Variants in SDK1 observed in about 807,000 individuals in gnomAD.
SDK1 encodes the protein protein sidekick-1.
Under a neutral mutation model 245.5 loss-of-function variants are expected in SDK1, and 157 were observed. That is an observed-to-expected ratio of 0.64 (90% CI 0.56 to 0.73). SDK1 has a LOEUF of 0.73. Among genes scored for constraint, SDK1 ranks in the 30% least tolerant of loss-of-function variants. SDK1 has a pLI of 0.00. For missense variants in SDK1, 3,583 were observed against 3,002.3 expected (o/e 1.19, Z -4.52); for synonymous variants, 1,647 against 1,278.5 (o/e 1.29, Z -6.15).
chr7:3,490,920 A>C lies in SDK1; in HGVS notation c.299-128160A>C, dbSNP rs541144558. On this transcript the variant is annotated intron_variant, in intron 1 of 44. Transcript: ENST00000404826. Reference sequence around the variant, plus strand: ...CCTTGCCCTCCACAGACACAGGCAAACTAGTTTCTGTTAGGCATTCACTCT... The same window carrying C: ...CCTTGCCCTCCACAGACACAGGCAACCTAGTTTCTGTTAGGCATTCACTCT... Among the ~76,000 whole-genome samples, 5 of 152,334 alleles carry C rather than the reference A, an allele frequency of 3.3e-5. No individual in the cohort carries two copies. In the South Asian group the frequency reaches 1.0e-3, roughly 32 times the overall value.
intron 1 of SDK1, among the ~76,000 whole-genome samples, chr7:3,461,207 C>T (rs1296812288): frequency 2.6e-5 from 4 of 152,130 alleles, no homozygotes; most frequent in African/African-American, 9.7e-5. Flanking sequence ...GGCGGTCTTA[C>T]TGTTGTTGCA....
At chr7:4,099,695 C>T (rs1469108548) in intron 22 of SDK1, among the ~76,000 whole-genome samples, 1 of 143,798 alleles carries the variant, frequency 7.0e-6, no homozygotes, top group Non-Finnish European at 1.5e-5. Context: ...TGTGCCAGGT[C>T]CAGTGGAAGT....
chr7:3,807,019 C>T (rs1779267245), intron 4 of SDK1, among the ~76,000 whole-genome samples: 1 of 152,044 alleles, frequency 6.6e-6, no homozygotes, highest in Non-Finnish European at 1.5e-5. Context: ...TTCACCCAGG[C>T]AAATCTGAAG....
At chr7:3,957,468 C>T (rs1583633721) in intron 7 of SDK1, among the ~76,000 whole-genome samples, 1 of 152,214 alleles carries the variant, frequency 6.6e-6, no homozygotes, top group Admixed American at 6.5e-5. Flanking sequence ...ACGGACTCGA[C>T]AGTTTTCTAA....
chr7:3,845,733 A>C (rs768420012), intron 5 of SDK1, among the ~76,000 whole-genome samples: 11 of 152,050 alleles, frequency 7.2e-5, no homozygotes, highest in Non-Finnish European at 1.5e-4. Flanking sequence ...GTCAATTAAA[A>C]AGAAATTCCA....
chr7:3,456,460 T>A (rs1311421425), intron 1 of SDK1, among the ~76,000 whole-genome samples: 1 of 152,236 alleles, frequency 6.6e-6, no homozygotes, highest in East Asian at 1.9e-4. Context: ...ATCTTCAAGT[T>A]CACTGATTTT....
At chr7:3,969,599 A>G (rs1016573239) in intron 11 of SDK1, among the ~76,000 whole-genome samples, 175 bp downstream of exon 11, 7 of 152,238 alleles carry the variant, frequency 4.6e-5, no homozygotes, top group African/African-American at 1.7e-4. Context: ...TTCAATGTCT[A>G]AAAGAATACC....
intron 40 of SDK1, among the ~76,000 whole-genome samples, chr7:4,226,262 T>G (rs1361718429): frequency 6.6e-6 from 1 of 152,206 alleles, no homozygotes; most frequent in East Asian, 1.9e-4. Context: ...CCGCTGGGTA[T>G]CTGGGAGACG....
intron 1 of SDK1, among the ~76,000 whole-genome samples, chr7:3,491,251 C>G (rs1050788975): frequency 1.4e-4 from 22 of 152,208 alleles, no homozygotes; most frequent in African/African-American, 5.3e-4. Context: ...CCTTAAGCAC[C>G]TGTGCTGCGT....
At chr7:3,566,537 A>G (rs1192734731) in intron 1 of SDK1, among the ~76,000 whole-genome samples, 1 of 152,196 alleles carries the variant, frequency 6.6e-6, no homozygotes, top group East Asian at 1.9e-4. Flanking sequence ...TAAACTTCTT[A>G]AAAACATAAA....
intron 5 of SDK1, among the ~76,000 whole-genome samples, chr7:3,838,510 C>T (rs1408583987): frequency 2.6e-5 from 4 of 152,236 alleles, no homozygotes; most frequent in East Asian, 3.8e-4. Flanking sequence ...CAGCAGGTGC[C>T]TCTCTGTTCA....
At position 4,248,418 on chromosome 7, in the gene SDK1, T is replaced by TGCACACAC. The variant is rs1245147078; in HGVS notation, c.6381+2615_6381+2622dup. Among the ~76,000 whole-genome samples, 9 of 151,326 alleles carry TGCACACAC rather than the reference T, an allele frequency of 5.9e-5. No homozygotes were observed. In the East Asian group the frequency reaches 1.7e-3, roughly 29 times the overall value. ...GCACACATATGTACACATACACACA[T>TGCACACAC]GCACACACGTATACCTATACACCTG... On this transcript the variant is annotated intron_variant, in intron 44 of 44. Transcript: ENST00000404826.
chr7:3,778,535 C>T (rs1314783468), intron 4 of SDK1, among the ~76,000 whole-genome samples: 2 of 152,190 alleles, frequency 1.3e-5, no homozygotes, highest in East Asian at 3.9e-4. Context: ...TTCTACAGAT[C>T]TGACCAGGCT....
At chr7:3,434,237 T>G (rs892319529) in intron 1 of SDK1, among the ~76,000 whole-genome samples, 1 of 152,210 alleles carries the variant, frequency 6.6e-6, no homozygotes, top group Non-Finnish European at 1.5e-5. Flanking sequence ...GAGAGAAGAT[T>G]AGGAAATCAT....
intron 1 of SDK1, among the ~76,000 whole-genome samples, chr7:3,372,227 G>A (rs970318889): frequency 3.3e-5 from 5 of 152,176 alleles, no homozygotes; most frequent in African/African-American, 1.2e-4. Context: ...ACAGCTTCCT[G>A]ACCTTTTGGG....
At chr7:3,805,624 C>G (rs1453000647) in intron 4 of SDK1, among the ~76,000 whole-genome samples, 4 of 152,142 alleles carry the variant, frequency 2.6e-5, no homozygotes, top group African/African-American at 9.7e-5. Flanking sequence ...CTTATAGAGC[C>G]TTGATAGTCT....
Position 3,618,946 on chromosome 7 carries a change from T to G in SDK1, c.299-134T>G, listed in dbSNP as rs1182495474. 4.3e-6 allele frequency: 3 copies of G among 696,616 alleles called. No individual in the cohort carries two copies. In the African/African-American group the frequency reaches 5.3e-5, roughly 12 times the overall value. 43.2% of individuals were successfully genotyped at this position (696,616 alleles called of 1,614,324 possible). A position where few individuals can be genotyped will look rare whatever the true frequency, so the allele number is the denominator to read the frequency against. On this transcript the variant is annotated intron_variant, in intron 1 of 44. Transcript: ENST00000404826. ...CAGGGTTTGGTAAAGGATTATTTAC[T>G]TCTTAATTGGGCCAAACAGCCATCA...
At chr7:4,047,807 G>A (rs978260987) in intron 17 of SDK1, among the ~76,000 whole-genome samples, 9 of 152,206 alleles carry the variant, frequency 5.9e-5, no homozygotes, top group African/African-American at 1.7e-4. Flanking sequence ...TATGGGCTCA[G>A]GAAAAGTGAT....
chr7:3,478,915 T>G (rs1403206011), intron 1 of SDK1, among the ~76,000 whole-genome samples: 2 of 152,222 alleles, frequency 1.3e-5, no homozygotes, highest in African/African-American at 4.8e-5. Flanking sequence ...TTTAGCTTTA[T>G]GATTTCTTCT....
Sources: gnomAD v4.1 joint callset for allele counts (sites outside exome capture counted in the v4.1 genomes callset) on GRCh38, gnomAD v4.1.1 for gene constraint, MANE v1.5 for transcripts, NCBI Gene and HGNC (gene_info 2026-07-23, HGNC 2026-07-21) for gene names.